PREX1: variants seen among roughly 807,000 people sequenced by gnomAD.
PREX1 encodes the protein phosphatidylinositol-3,4,5-trisphosphate dependent Rac exchange factor 1.
In PREX1, 41 loss-of-function variants were observed where a neutral mutation model predicts 198.3. That is an observed-to-expected ratio of 0.21 (90% CI 0.16 to 0.27). PREX1 has a LOEUF of 0.27. Ranked by LOEUF, PREX1 falls within the 10% of genes least tolerant of loss-of-function variation. PREX1 has a pLI of 1.00. For synonymous variants in PREX1, 843 were observed against 887.2 expected (o/e 0.95, Z 0.89); for missense variants, 1,620 against 2,200.7 (o/e 0.74, Z 5.28).
chr20:48,643,095 G>A (rs1050600807), intron 27 of PREX1, among the ~76,000 whole-genome samples: 2 of 152,138 alleles, frequency 1.3e-5, no homozygotes, highest in East Asian at 3.8e-4. Flanking sequence ...TGCACCCTCC[G>A]GGGCCTTCTG....
At chr20:48,644,281 A>G (rs1048945232) in intron 27 of PREX1, 128 bp downstream of exon 27, 8 of 747,408 alleles carry the variant, frequency 1.1e-5, no homozygotes, top group East Asian at 5.8e-5. Flanking sequence ...AAGGAAATCA[A>G]GTACAGGACC....
chr20:48,853,578 T>A, the PREX1 span, among the ~76,000 whole-genome samples: 1 of 152,152 alleles, frequency 6.6e-6, no homozygotes, highest in Non-Finnish European at 1.5e-5. Context: ...GAGATTACAA[T>A]TCAAGGTGGG....
At chr20:48,644,542 G>A in intron 26 of PREX1, 45 bp from the exon 27 acceptor site, 1 of 1,557,798 alleles carries the variant, frequency 6.4e-7, no homozygotes, top group African/African-American at 1.4e-5. Flanking sequence ...CTGAGCTCAG[G>A]CCATCTGGTC....
chr20:48,743,293 C>T (rs754467555), intron 3 of PREX1, among the ~76,000 whole-genome samples: 14 of 152,134 alleles, frequency 9.2e-5, no homozygotes, highest in Non-Finnish European at 1.8e-4. Flanking sequence ...GAAAGACTGT[C>T]CCTCCCATCC....
chr20:48,645,760 G>T, intron 26 of PREX1, 91 bp downstream of exon 26: 1 of 1,391,364 alleles, frequency 7.2e-7, no homozygotes, highest in Non-Finnish European at 9.9e-7. Flanking sequence ...CCTGAGAAGT[G>T]TCCACTGATT....
At chr20:48,882,931 CTTTTT>C in the PREX1 span, among the ~76,000 whole-genome samples, 1 of 123,702 alleles carries the variant, frequency 8.1e-6, no homozygotes, top group Non-Finnish European at 1.7e-5. Flanking sequence ...TTGGGTTGTC[CTTTTT>C]TTTTTTTTTT....
the PREX1 span, among the ~76,000 whole-genome samples, chr20:48,839,605 G>C: frequency 6.6e-6 from 1 of 152,192 alleles, no homozygotes; most frequent in South Asian, 2.1e-4. Context: ...TCCATTGCAT[G>C]CTTGCGCTAC....
At chr20:48,872,325 A>G in the PREX1 span, among the ~76,000 whole-genome samples, 4 of 152,150 alleles carry the variant, frequency 2.6e-5, no homozygotes, top group South Asian at 6.2e-4. Flanking sequence ...TTGAATATAC[A>G]TGTAAAGCAA....
At chr20:48,748,849 G>T (rs1169005750) in intron 1 of PREX1, among the ~76,000 whole-genome samples, 1 of 152,228 alleles carries the variant, frequency 6.6e-6, no homozygotes. Flanking sequence ...AATGAAGCCA[G>T]AAATTAGAAT....
chr20:48,806,640 A>G (rs1216148263), intron 1 of PREX1, among the ~76,000 whole-genome samples: 3 of 152,234 alleles, frequency 2.0e-5, no homozygotes, highest in African/African-American at 7.2e-5. Context: ...GACTTGCCCC[A>G]GGTCACACTC....
At chr20:48,754,007 G>A (rs569606494) in intron 1 of PREX1, among the ~76,000 whole-genome samples, 6 of 152,302 alleles carry the variant, frequency 3.9e-5, no homozygotes, top group Admixed American at 1.3e-4. Flanking sequence ...TTCCTTGGCC[G>A]TCTACGCAGC....
intron 37 of PREX1, 23 bp downstream of exon 37, chr20:48,629,426 C>A (rs768869025): frequency 6.2e-7 from 1 of 1,607,590 alleles, no homozygotes; most frequent in East Asian, 2.2e-5. Context: ...CCCCACACCC[C>A]GACTCAGCGG....
intron 1 of PREX1, among the ~76,000 whole-genome samples, chr20:48,749,067 C>G (rs990954786): frequency 1.3e-5 from 2 of 151,972 alleles, no homozygotes; most frequent in African/African-American, 4.8e-5. Context: ...AGGGGTCACA[C>G]GTATGGGCTG....
the PREX1 span, among the ~76,000 whole-genome samples, chr20:48,883,326 C>T: frequency 1.3e-5 from 2 of 152,124 alleles, no homozygotes; most frequent in Non-Finnish European, 2.9e-5. Context: ...GAATGCTTTC[C>T]CCCTAAAATT....
At chr20:48,727,491 A>G (rs2090015345) in intron 4 of PREX1, among the ~76,000 whole-genome samples, 1 of 152,072 alleles carries the variant, frequency 6.6e-6, no homozygotes, top group African/African-American at 2.4e-5. Flanking sequence ...GCTATCATCC[A>G]TCGTAAACAC....
intron 1 of PREX1, among the ~76,000 whole-genome samples, chr20:48,799,514 C>T (rs367968327): frequency 4.6e-5 from 7 of 152,340 alleles, no homozygotes; most frequent in East Asian, 1.9e-4. Context: ...CTGGAGACTG[C>T]ATGTGCTAAA....
At chr20:48,697,176 T>C (rs1478778811) in intron 7 of PREX1, among the ~76,000 whole-genome samples, 1 of 152,144 alleles carries the variant, frequency 6.6e-6, no homozygotes, top group African/African-American at 2.4e-5. Flanking sequence ...GTATTTGTAT[T>C]TCTTCCACTT....
chr20:48,738,880 C>G (rs1231811363), intron 3 of PREX1, among the ~76,000 whole-genome samples: 1 of 152,144 alleles, frequency 6.6e-6, no homozygotes, highest in Non-Finnish European at 1.5e-5. Context: ...GGAGCTGGCC[C>G]ATGCAGACAT....
intron 1 of PREX1, among the ~76,000 whole-genome samples, chr20:48,792,288 T>C (rs977832927): frequency 3.9e-5 from 6 of 151,950 alleles, no homozygotes; most frequent in Non-Finnish European, 7.4e-5. Context: ...CTGACCAACA[T>C]GGAGAAACCC....
Sources: gnomAD v4.1 joint callset for allele counts (sites outside exome capture counted in the v4.1 genomes callset) on GRCh38, gnomAD v4.1.1 for gene constraint, MANE v1.5 for transcripts, NCBI Gene and HGNC (gene_info 2026-07-23, HGNC 2026-07-21) for gene names.